UBE2L3: variants seen among roughly 807,000 people sequenced by gnomAD.
UBE2L3 encodes the protein ubiquitin conjugating enzyme E2 L3.
A neutral mutation model predicts 17.8 loss-of-function variants in UBE2L3; 1 was observed. That is an observed-to-expected ratio of 0.06 (90% CI 0.02 to 0.27). The LOEUF (loss-of-function observed/expected upper bound fraction) is 0.27. Ranked by LOEUF, UBE2L3 falls within the 10% of genes least tolerant of loss-of-function variation. The pLI is 1.00. For synonymous variants in UBE2L3, 44 were observed against 68.5 expected (o/e 0.64, Z 1.76); for missense variants, 40 against 192.6 (o/e 0.21, Z 4.69).
chr22:21,563,667 C>T (rs977882531), upstream of UBE2L3, among the ~76,000 whole-genome samples: 99 of 145,510 alleles, frequency 6.8e-4, no homozygotes, highest in Non-Finnish European at 1.2e-3. Context: ...ACCTCCCCCT[C>T]CCGGGTTCGA....
intron 1 of UBE2L3, 128 bp downstream of exon 1, chr22:21,567,899 C>T: frequency 6.6e-7 from 1 of 1,518,608 alleles, no homozygotes; most frequent in Non-Finnish European, 8.8e-7. Context: ...CGTCGGTTCC[C>T]TGGGCCGCGC....
At chr22:21,598,938 T>C (rs887188928) in intron 2 of UBE2L3, among the ~76,000 whole-genome samples, 6 of 151,824 alleles carry the variant, frequency 4.0e-5, no homozygotes, top group Non-Finnish European at 8.8e-5. Flanking sequence ...CCTCCTGGGT[T>C]CAAGCAATCT....
intron 1 of UBE2L3, among the ~76,000 whole-genome samples, chr22:21,585,619 C>G (rs979583247): frequency 9.2e-5 from 14 of 152,184 alleles, no homozygotes; most frequent in Non-Finnish European, 1.6e-4. Context: ...TCCCTTTTAG[C>G]CAGGGCTTGG....
chr22:21,599,096 A>T (rs368989867), intron 2 of UBE2L3, among the ~76,000 whole-genome samples: 1 of 152,016 alleles, frequency 6.6e-6, no homozygotes, highest in Admixed American at 6.6e-5. Flanking sequence ...TTGCAGTTAC[A>T]TTTGTAGTTA....
chr22:21,563,241 C>CAAAA (rs34642040), upstream of UBE2L3, among the ~76,000 whole-genome samples: 21 of 54,408 alleles, frequency 3.9e-4, no homozygotes, highest in African/African-American at 1.3e-3. Flanking sequence ...GACTCCGTCT[C>CAAAA]AAAAAAAAAA....
At chr22:21,574,553 G>A (rs950658526) in intron 1 of UBE2L3, among the ~76,000 whole-genome samples, 11 of 152,130 alleles carry the variant, frequency 7.2e-5, no homozygotes, top group African/African-American at 2.7e-4. Context: ...GACAGGTTGG[G>A]GCCAGTCTGC....
intron 1 of UBE2L3, among the ~76,000 whole-genome samples, chr22:21,585,520 C>T (rs890328645): frequency 6.6e-6 from 1 of 152,218 alleles, no homozygotes; most frequent in African/African-American, 2.4e-5. Context: ...GTTCTAAAGC[C>T]ATTCGATTCT....
chr22:21,598,140 C>G (rs1387198724), intron 2 of UBE2L3, among the ~76,000 whole-genome samples: 1 of 144,884 alleles, frequency 6.9e-6, no homozygotes, highest in Non-Finnish European at 1.5e-5. Context: ...TTCCTTTTAT[C>G]AGTCTAGCTA....
At chr22:21,573,328 G>A (rs146691090) in intron 1 of UBE2L3, among the ~76,000 whole-genome samples, 1 of 152,172 alleles carries the variant, frequency 6.6e-6, no homozygotes, top group East Asian at 1.9e-4. Context: ...TGCCCGTTGA[G>A]TCCCCTAAAA....
chr22:21,592,669 A>G (rs1006090432), intron 1 of UBE2L3, among the ~76,000 whole-genome samples, 192 bp from the exon 2 acceptor site: 12 of 152,144 alleles, frequency 7.9e-5, no homozygotes, highest in Non-Finnish European at 1.5e-4. Context: ...GGGGAGAGGC[A>G]ACAACCTTGC....
chr22:21,581,692 C>T (rs1927646488), intron 1 of UBE2L3, among the ~76,000 whole-genome samples: 1 of 151,978 alleles, frequency 6.6e-6, no homozygotes, highest in Non-Finnish European at 1.5e-5. Flanking sequence ...ATCCCAGCTG[C>T]TCGGGAGTCT....
At chr22:21,565,087 A>C (rs113436449), upstream of UBE2L3, among the ~76,000 whole-genome samples, 2 of 151,744 alleles carry the variant, frequency 1.3e-5, no homozygotes, top group South Asian at 4.2e-4. Flanking sequence ...TCCAGGATAT[A>C]TATATCTATA....
At chr22:21,589,743 C>T in intron 1 of UBE2L3, among the ~76,000 whole-genome samples, 1 of 152,192 alleles carries the variant, frequency 6.6e-6, no homozygotes, top group East Asian at 1.9e-4. Flanking sequence ...TTGCCTGTTT[C>T]TCTCACTTTT....
intron 1 of UBE2L3, among the ~76,000 whole-genome samples, chr22:21,592,264 C>T (rs993406905): frequency 6.6e-6 from 1 of 151,700 alleles, no homozygotes; most frequent in Admixed American, 6.6e-5. Context: ...CCCGTCCCCA[C>T]CCCCCCACTC....
chr22:21,565,282 T>C (rs868763677), upstream of UBE2L3, among the ~76,000 whole-genome samples: 6 of 151,540 alleles, frequency 4.0e-5, no homozygotes, highest in East Asian at 8.0e-4. Flanking sequence ...TTAGTAGAGA[T>C]GGGGTTTCAC....
At chr22:21,574,238 C>G (rs894979197) in intron 1 of UBE2L3, among the ~76,000 whole-genome samples, 2 of 152,178 alleles carry the variant, frequency 1.3e-5, no homozygotes, top group Non-Finnish European at 2.9e-5. Context: ...AGGAAGACTA[C>G]AGCATAGCAG....
At chr22:21,576,779 C>A (rs1284372774) in intron 1 of UBE2L3, among the ~76,000 whole-genome samples, 1 of 145,296 alleles carries the variant, frequency 6.9e-6, no homozygotes, top group Non-Finnish European at 1.5e-5. Context: ...ATGTAATATT[C>A]TTGCTTCTTG....
chr22:21,575,722 A>C (rs1256989421), intron 1 of UBE2L3, among the ~76,000 whole-genome samples: 1 of 120,302 alleles, frequency 8.3e-6, no homozygotes, highest in Non-Finnish European at 1.6e-5. Flanking sequence ...AGCTCACTGC[A>C]ACCTCTGCCT....
rs1383215914 is a variant in UBE2L3, at chr22:21,587,877, G to A, written c.28-4984G>A. 3.3e-5 allele frequency among the ~76,000 whole-genome samples: 5 copies of A among 152,282 alleles called. No individual in the cohort carries two copies. In the South Asian group the frequency reaches 6.2e-4, roughly 19 times the overall value. On this transcript the variant is annotated intron_variant, in intron 1 of 3. Coordinates refer to ENST00000342192, the MANE Select transcript of UBE2L3 (RefSeq NM_003347.4). ...GGGTGTTTTCCATTTTCAGGAGCTG[G>A]GTGGCACCCCTGGGCTTTTTCAGTT...
Sources: allele counts gnomAD v4.1 joint callset (sites outside exome capture counted in the v4.1 genomes callset), GRCh38; gene constraint gnomAD v4.1.1; transcripts MANE v1.5; gene names NCBI Gene and HGNC (gene_info 2026-07-23, HGNC 2026-07-21).